ASTN2: variants seen among roughly 807,000 people sequenced by gnomAD.
ASTN2 encodes astrotactin 2.
A neutral mutation model predicts 139.8 loss-of-function variants in ASTN2; 54 were observed. The ratio of observed to expected loss-of-function variants is 0.39; its 90% CI spans 0.31 to 0.48. The LOEUF (loss-of-function observed/expected upper bound fraction) is 0.48. Among genes scored for constraint, ASTN2 ranks in the 20% least tolerant of loss-of-function variants. The pLI is 0.95. For missense variants in ASTN2, 1,565 were observed against 1,725.1 expected (o/e 0.91, Z 1.64); for synonymous variants, 756 against 719.5 (o/e 1.05, Z -0.81).
intron 19 of ASTN2, among the ~76,000 whole-genome samples, chr9:116,579,502 T>C (rs1438792345): frequency 1.3e-5 from 2 of 152,196 alleles, no homozygotes; most frequent in Non-Finnish European, 2.9e-5. Flanking sequence ...TCTTACCATC[T>C]TGCTGTCAGA....
intron 22 of ASTN2, among the ~76,000 whole-genome samples, chr9:116,432,705 G>A (rs1440923848): frequency 1.3e-5 from 2 of 152,126 alleles, no homozygotes; most frequent in African/African-American, 2.4e-5. Context: ...TAAGGTGGGC[G>A]GATCACTTGT....
At chr9:116,735,146 A>G (rs1018522712) in intron 13 of ASTN2, among the ~76,000 whole-genome samples, 6 of 152,202 alleles carry the variant, frequency 3.9e-5, no homozygotes, top group Non-Finnish European at 8.8e-5. Context: ...CTGTCTGCCC[A>G]GGCATGCACG....
chr9:116,611,954 C>T (rs1164267248), intron 19 of ASTN2: 2 of 152,076 alleles, frequency 1.3e-5, no homozygotes, highest in East Asian at 3.9e-4. Context: ...TTAAAACAAA[C>T]AGATAAAACA....
At chr9:117,378,771 T>C (rs989280822) in intron 1 of ASTN2, among the ~76,000 whole-genome samples, 6 of 152,148 alleles carry the variant, frequency 3.9e-5, no homozygotes, top group African/African-American at 1.4e-4. Flanking sequence ...AAAGTAAATA[T>C]GTCTTAGATA....
At chr9:116,510,308 G>T (rs891429905) in intron 19 of ASTN2, among the ~76,000 whole-genome samples, 1 of 152,166 alleles carries the variant, frequency 6.6e-6, no homozygotes, top group African/African-American at 2.4e-5. Context: ...TCAAAGATCA[G>T]ATGGTTGTAG....
chr9:117,156,337 T>C (rs1305281597), intron 3 of ASTN2, among the ~76,000 whole-genome samples: 1 of 152,074 alleles, frequency 6.6e-6, no homozygotes, highest in Non-Finnish European at 1.5e-5. Context: ...CTTTAACAGA[T>C]GGGAAAACTG....
intron 1 of ASTN2, among the ~76,000 whole-genome samples, chr9:117,348,384 C>A (rs929140744): frequency 6.6e-6 from 1 of 152,156 alleles, no homozygotes; most frequent in African/African-American, 2.4e-5. Flanking sequence ...TAGACATAAT[C>A]CAAGAGATGT....
At chr9:116,927,394 T>C (rs1457708689) in intron 10 of ASTN2, among the ~76,000 whole-genome samples, 10 of 152,188 alleles carry the variant, frequency 6.6e-5, no homozygotes, top group Non-Finnish European at 1.2e-4. Flanking sequence ...GGGTGTCTTG[T>C]TTTCATATAT....
chr9:116,828,612 G>T (rs894972120), intron 11 of ASTN2, among the ~76,000 whole-genome samples: 28 of 151,532 alleles, frequency 1.8e-4, no homozygotes, highest in African/African-American at 6.3e-4. Context: ...TTATCTTACT[G>T]GGGAAAAAAA....
chr9:117,203,392 T>C (rs550741426), intron 3 of ASTN2, among the ~76,000 whole-genome samples: 16 of 152,050 alleles, frequency 1.1e-4, no homozygotes, highest in Non-Finnish European at 1.9e-4. Context: ...ACAGATGTGG[T>C]GATCATGTTG....
chr9:116,878,366 T>C (rs1833359514), intron 10 of ASTN2, among the ~76,000 whole-genome samples: 1 of 152,202 alleles, frequency 6.6e-6, no homozygotes, highest in African/African-American at 2.4e-5. Context: ...TGGAATACTA[T>C]GCAGCCATAA....
intron 1 of ASTN2, among the ~76,000 whole-genome samples, chr9:117,408,176 A>G (rs1373363984): frequency 1.3e-5 from 2 of 151,916 alleles, no homozygotes; most frequent in South Asian, 2.1e-4. Context: ...GGGAGAGGAA[A>G]GAGTGTCCCC....
At chr9:116,810,575 G>T (rs1831137317) in intron 12 of ASTN2, among the ~76,000 whole-genome samples, 1 of 152,138 alleles carries the variant, frequency 6.6e-6, no homozygotes, top group Non-Finnish European at 1.5e-5. Flanking sequence ...ACTGACTTGA[G>T]AAAAGCTGTT....
intron 2 of ASTN2, among the ~76,000 whole-genome samples, chr9:117,290,080 C>A (rs7026867): frequency 0.87 from 132,432 of 152,194 alleles, 60,437 homozygotes; most frequent in East Asian, 1. Context: ...TTGAAGGAAG[C>A]AATGAGGGTT....
At chr9:117,344,185 GAAA>G (rs36050108) in intron 1 of ASTN2, among the ~76,000 whole-genome samples, 5 of 150,740 alleles carry the variant, frequency 3.3e-5, no homozygotes, top group African/African-American at 1.2e-4. Context: ...AGCACGTGGA[GAAA>G]AAAAAACCCA....
At chr9:117,066,267 T>G (rs1827939521) in intron 5 of ASTN2, among the ~76,000 whole-genome samples, 1 of 143,234 alleles carries the variant, frequency 7.0e-6, no homozygotes, top group African/African-American at 2.6e-5. Flanking sequence ...GAATATGCGG[T>G]GTTTGGTTTT....
At chr9:116,876,343 G>T (rs10817950) in intron 10 of ASTN2, among the ~76,000 whole-genome samples, 20 of 152,134 alleles carry the variant, frequency 1.3e-4, no homozygotes, top group African/African-American at 3.9e-4. Flanking sequence ...TTCTTGTGGA[G>T]GAGCAAAGAA....
At chr9:117,067,708 G>A (rs1360439299) in intron 5 of ASTN2, among the ~76,000 whole-genome samples, 2 of 117,696 alleles carry the variant, frequency 1.7e-5, no homozygotes, top group Non-Finnish European at 3.7e-5. Context: ...AGTTCTCCTT[G>A]AAGAGGTCCT....
intron 10 of ASTN2, among the ~76,000 whole-genome samples, chr9:116,952,055 C>T (rs997459719): frequency 1.3e-5 from 2 of 152,202 alleles, no homozygotes; most frequent in African/African-American, 2.4e-5. Flanking sequence ...ACTGTATTGA[C>T]TAAAATCACA....
Sources: gnomAD v4.1 joint callset for allele counts (sites outside exome capture counted in the v4.1 genomes callset) on GRCh38, gnomAD v4.1.1 for gene constraint, MANE v1.5 for transcripts, NCBI Gene and HGNC (gene_info 2026-07-23, HGNC 2026-07-21) for gene names.